Variants in RGS6 observed in about 807,000 individuals in gnomAD.
RGS6 encodes regulator of G-protein signaling 6.
Under a neutral mutation model 78.5 loss-of-function variants are expected in RGS6, and 30 were observed. That is an observed-to-expected ratio of 0.38 (90% CI 0.29 to 0.52). The LOEUF (loss-of-function observed/expected upper bound fraction) is 0.52, where lower values mean the gene tolerates loss of function less well. Among genes scored for constraint, RGS6 ranks in the 20% least tolerant of loss-of-function variants. The pLI, the probability that RGS6 is intolerant of heterozygous loss-of-function variation, is 0.85. For missense variants in RGS6, 495 were observed against 609.7 expected (o/e 0.81, Z 1.98); for synonymous variants, 206 against 206.0 (o/e 1.00, Z 0.00).
intron 12 of RGS6, among the ~76,000 whole-genome samples, chr14:72,484,769 G>A (rs1312025397): frequency 6.6e-6 from 1 of 152,018 alleles, no homozygotes; most frequent in Non-Finnish European, 1.5e-5. Flanking sequence ...CCTCCTACCA[G>A]GATTGGTTAC....
rs181017996 is a variant in RGS6, at chr14:72,433,007, A to T, written c.185-21521A>T. Among the ~76,000 whole-genome samples the T allele has an allele frequency of 4.6e-3, 698 of 152,200 alleles. 3 individuals are homozygous for T. The highest frequency in any genetic ancestry group is 5.8e-3 in the Non-Finnish European group (394 of 68,020). ...GTTGTAGCTCCGTCTGGGGAGTGGA[A>T]CTCATAGGGTATAAGTGATTATTTC... is the stretch of plus-strand genomic sequence containing the variant. On this transcript the variant is annotated intron_variant, in intron 3 of 17. Transcript: ENST00000553525.
intron 2 of RGS6, among the ~76,000 whole-genome samples, chr14:72,030,030 A>G (rs1053212290): frequency 3.9e-5 from 6 of 152,348 alleles, no homozygotes; most frequent in East Asian, 1.9e-4. Flanking sequence ...ACAGAGGACT[A>G]AAAGGTAAAG....
intron 2 of RGS6, among the ~76,000 whole-genome samples, chr14:72,317,241 CAAT>C (rs1256152468): frequency 6.6e-6 from 1 of 151,844 alleles, no homozygotes; most frequent in Middle Eastern, 3.4e-3. Flanking sequence ...GTATTGCTGC[CAAT>C]AATAATAACA....
At chr14:72,064,406 G>T (rs2094036594) in intron 2 of RGS6, among the ~76,000 whole-genome samples, 1 of 152,156 alleles carries the variant, frequency 6.6e-6, no homozygotes, top group African/African-American at 2.4e-5. Flanking sequence ...TCTCAAAAGA[G>T]ACATTTAAAA....
chr14:72,453,489 G>C (rs1345378396), intron 3 of RGS6, among the ~76,000 whole-genome samples: 1 of 147,288 alleles, frequency 6.8e-6, no homozygotes, highest in African/African-American at 2.6e-5. Flanking sequence ...AGTGGCAGGC[G>C]CCTGTAGTCC....
At chr14:71,942,743 T>C (rs2090826477) in intron 1 of RGS6, among the ~76,000 whole-genome samples, 1 of 152,196 alleles carries the variant, frequency 6.6e-6, no homozygotes, top group African/African-American at 2.4e-5. Flanking sequence ...ACCTTTTATA[T>C]AGAAAATATA....
At chr14:71,939,701 A>G (rs1015745087) in intron 1 of RGS6, among the ~76,000 whole-genome samples, 4 of 152,212 alleles carry the variant, frequency 2.6e-5, no homozygotes, top group African/African-American at 9.6e-5. Flanking sequence ...TGGCATCACC[A>G]CTTGGTTAAA....
chr14:72,461,095 G>C (rs1354539561), intron 6 of RGS6, among the ~76,000 whole-genome samples: 1 of 152,110 alleles, frequency 6.6e-6, no homozygotes, highest in Non-Finnish European at 1.5e-5. Flanking sequence ...GAAGACTTCC[G>C]ACTGCAAGTG....
chr14:71,930,749 A>G (rs1023782973), upstream of RGS6, among the ~76,000 whole-genome samples: 6 of 151,888 alleles, frequency 4.0e-5, no homozygotes, highest in Non-Finnish European at 1.5e-5. Context: ...TTGGGTGGCC[A>G]AGGCGGGTGG....
chr14:71,870,421 G>C, the RGS6 span, among the ~76,000 whole-genome samples: 1 of 152,102 alleles, frequency 6.6e-6, no homozygotes, highest in Non-Finnish European at 1.5e-5. Context: ...GTTGTGTTTT[G>C]GGGTATAGGA....
intron 3 of RGS6, among the ~76,000 whole-genome samples, chr14:72,398,946 T>C (rs1370039283): frequency 6.6e-6 from 1 of 151,980 alleles, no homozygotes; most frequent in Non-Finnish European, 1.5e-5. Context: ...TTCTTTTACA[T>C]TTGCTGAGGA....
intron 2 of RGS6, among the ~76,000 whole-genome samples, chr14:71,970,394 C>T (rs1448852123): frequency 6.6e-6 from 1 of 152,188 alleles, no homozygotes; most frequent in African/African-American, 2.4e-5. Flanking sequence ...CAAGGTCACT[C>T]TTCCTAATGA....
rs151267462 is a variant in RGS6, at chr14:72,221,473, C to A, written c.85-130622C>A. Among the ~76,000 whole-genome samples, 329 of 152,318 alleles carry A rather than the reference C, an allele frequency of 2.2e-3. 4 individuals carry two copies. The highest frequency in any genetic ancestry group is 0.014 in the Admixed American group (215 of 15,300). On this transcript the variant is annotated intron_variant, in intron 2 of 17. Coordinates refer to ENST00000553525, the MANE Select transcript of RGS6 (RefSeq NM_001204424.2). ...CTTCCTTCTTCTGCATTCTTCCTTA[C>A]TGCGTGGGCTTGGTCACAATTTCTG...
At chr14:72,223,926 G>A (rs572095833) in intron 2 of RGS6, among the ~76,000 whole-genome samples, 39 of 152,354 alleles carry the variant, frequency 2.6e-4, no homozygotes, top group Admixed American at 2.5e-3. Flanking sequence ...TTACGCCTAG[G>A]CGTGCTGAAA....
chr14:72,281,627 C>T (rs1234285906), intron 2 of RGS6, among the ~76,000 whole-genome samples: 1 of 152,080 alleles, frequency 6.6e-6, no homozygotes, highest in Non-Finnish European at 1.5e-5. Flanking sequence ...TGAGGGAAGG[C>T]CTCTGTGAGG....
At chr14:72,542,391 C>A (rs1218442159) in intron 17 of RGS6, among the ~76,000 whole-genome samples, 1 of 152,244 alleles carries the variant, frequency 6.6e-6, no homozygotes, top group Non-Finnish European at 1.5e-5. Flanking sequence ...ACCAATATGC[C>A]TTGCAATTTG....
intron 2 of RGS6, among the ~76,000 whole-genome samples, chr14:72,294,943 A>G (rs1012413149): frequency 6.6e-6 from 1 of 152,204 alleles, no homozygotes; most frequent in African/African-American, 2.4e-5. Flanking sequence ...AGAATGGTAG[A>G]ATAATAAAAT....
chr14:72,299,997 C>A (rs752606901), intron 2 of RGS6, among the ~76,000 whole-genome samples: 1 of 151,740 alleles, frequency 6.6e-6, no homozygotes, highest in African/African-American at 2.4e-5. Flanking sequence ...TATTTCATTT[C>A]TCCTTTTTAC....
intron 2 of RGS6, among the ~76,000 whole-genome samples, chr14:72,014,310 G>A (rs1241012501): frequency 6.6e-6 from 1 of 152,222 alleles, no homozygotes; most frequent in Non-Finnish European, 1.5e-5. Context: ...TGTCTTCAAA[G>A]TAGTGACCTT....
Sources: gnomAD v4.1 joint callset for allele counts (sites outside exome capture counted in the v4.1 genomes callset) on GRCh38, gnomAD v4.1.1 for gene constraint, MANE v1.5 for transcripts, NCBI Gene and HGNC (gene_info 2026-07-23, HGNC 2026-07-21) for gene names.